TENM3: variants seen among roughly 807,000 people sequenced by gnomAD.
TENM3 encodes the protein teneurin transmembrane protein 3, also known as teneurin-3.
Under a neutral mutation model 255.1 loss-of-function variants are expected in TENM3, and 63 were observed. The observed-to-expected ratio is 0.25, with a 90% CI of 0.20 to 0.30. The LOEUF (loss-of-function observed/expected upper bound fraction) is 0.30. Ranked by LOEUF, TENM3 falls within the 10% of genes least tolerant of loss-of-function variation. The pLI is 1.00. For synonymous variants in TENM3, 1,306 were observed against 1,322.3 expected (o/e 0.99, Z 0.27); for missense variants, 2,929 against 3,461.1 (o/e 0.85, Z 3.86).
the TENM3 span, among the ~76,000 whole-genome samples, chr4:181,789,850 T>C: frequency 6.6e-6 from 1 of 152,010 alleles, no homozygotes; most frequent in Admixed American, 6.6e-5. Flanking sequence ...TGCCACCCCC[T>C]CCCCGGTACC....
intron 1 of TENM3, among the ~76,000 whole-genome samples, chr4:182,289,570 A>C (rs1304721180): frequency 6.6e-6 from 1 of 152,184 alleles, no homozygotes; most frequent in Non-Finnish European, 1.5e-5. Context: ...TGAGGGAAAC[A>C]TTTACTGAAA....
At chr4:182,616,551 C>A (rs1581111922) in intron 4 of TENM3, among the ~76,000 whole-genome samples, 6 of 117,210 alleles carry the variant, frequency 5.1e-5, no homozygotes, top group African/African-American at 1.3e-4. Flanking sequence ...GTCAGGAGAT[C>A]AAGACCATCC....
chr4:181,923,510 T>C, the TENM3 span, among the ~76,000 whole-genome samples: 1 of 152,214 alleles, frequency 6.6e-6, no homozygotes, highest in African/African-American at 2.4e-5. Flanking sequence ...AAATACACTA[T>C]GGCTTCAAAT....
At chr4:181,892,916 C>T in the TENM3 span, among the ~76,000 whole-genome samples, 1 of 152,152 alleles carries the variant, frequency 6.6e-6, no homozygotes, top group African/African-American at 2.4e-5. Flanking sequence ...AGAGGAAGAA[C>T]TGTGAATTGT....
the TENM3 span, among the ~76,000 whole-genome samples, chr4:181,767,150 G>A: frequency 1.3e-5 from 2 of 148,588 alleles, no homozygotes; most frequent in Non-Finnish European, 3.0e-5. Context: ...TACTCGGGAG[G>A]CTGAGGCAGG....
the TENM3 span, among the ~76,000 whole-genome samples, chr4:181,856,713 G>A: frequency 3.0e-4 from 45 of 152,112 alleles, no homozygotes; most frequent in Non-Finnish European, 5.6e-4. Context: ...CCCTGGGCAG[G>A]CTGCTCCTCC....
At chr4:182,078,037 G>T in the TENM3 span, among the ~76,000 whole-genome samples, 2 of 152,224 alleles carry the variant, frequency 1.3e-5, no homozygotes, top group East Asian at 3.9e-4. Context: ...CCTGGGCAAG[G>T]TAGCAAGACC....
At chr4:181,530,800 T>C in the TENM3 span, among the ~76,000 whole-genome samples, 2 of 152,202 alleles carry the variant, frequency 1.3e-5, no homozygotes, top group African/African-American at 4.8e-5. Flanking sequence ...GTGTTGTATG[T>C]GTGTGCGTGC....
chr4:181,510,251 A>G, the TENM3 span, among the ~76,000 whole-genome samples: 1 of 152,232 alleles, frequency 6.6e-6, no homozygotes, highest in African/African-American at 2.4e-5. Flanking sequence ...CCCTTTGAAC[A>G]TTGATATGGT....
At chr4:182,586,136 A>G (rs1048771819) in intron 3 of TENM3, among the ~76,000 whole-genome samples, 3 of 152,158 alleles carry the variant, frequency 2.0e-5, no homozygotes, top group African/African-American at 7.2e-5. Context: ...GCATGCCTGT[A>G]GTACCCGCTA....
the TENM3 span, among the ~76,000 whole-genome samples, chr4:181,655,923 T>A: frequency 6.6e-6 from 1 of 151,880 alleles, no homozygotes; most frequent in Admixed American, 6.6e-5. Flanking sequence ...AAACAAAGGG[T>A]TTAAATATGC....
chr4:182,510,159 C>T (rs1455491434), intron 3 of TENM3, among the ~76,000 whole-genome samples: 8 of 152,110 alleles, frequency 5.3e-5, no homozygotes, highest in Admixed American at 4.6e-4. Flanking sequence ...AGTTCAGTCC[C>T]TTCAGTTGGA....
At chr4:181,790,717 C>T in the TENM3 span, among the ~76,000 whole-genome samples, 1 of 152,170 alleles carries the variant, frequency 6.6e-6, no homozygotes, top group Non-Finnish European at 1.5e-5. Flanking sequence ...GACAAGTAAA[C>T]ATTCAGAGGC....
chr4:181,825,999 C>T, the TENM3 span, among the ~76,000 whole-genome samples: 2 of 152,152 alleles, frequency 1.3e-5, no homozygotes, highest in African/African-American at 2.4e-5. Flanking sequence ...CTTGCCAACT[C>T]GTGCATGTTT....
chr4:182,704,997 A>C (rs2152651632), intron 12 of TENM3, among the ~76,000 whole-genome samples: 1 of 152,300 alleles, frequency 6.6e-6, no homozygotes, highest in Non-Finnish European at 1.5e-5. Context: ...AAGAATATGT[A>C]ATTGTTTTAT....
the TENM3 span, among the ~76,000 whole-genome samples, chr4:181,905,305 A>T: frequency 6.6e-6 from 1 of 152,206 alleles, no homozygotes; most frequent in East Asian, 1.9e-4. Flanking sequence ...TGTTTACAAC[A>T]TAGATACCAA....
chr4:181,849,930 TTCTCTC>T, the TENM3 span, among the ~76,000 whole-genome samples: 59 of 84,102 alleles, frequency 7.0e-4, no homozygotes, highest in African/African-American at 2.1e-3. Flanking sequence ...CTCTCTCTCT[TTCTCTC>T]TCTCTCTCTC....
At chr4:182,295,693 G>C (rs561909238) in intron 1 of TENM3, among the ~76,000 whole-genome samples, 1 of 152,132 alleles carries the variant, frequency 6.6e-6, no homozygotes, top group Admixed American at 6.5e-5. Context: ...AATATAAGGG[G>C]AAGCAGTAAA....
intron 3 of TENM3, among the ~76,000 whole-genome samples, chr4:182,401,607 GT>G (rs1262672161): frequency 2.0e-5 from 3 of 151,710 alleles, no homozygotes; most frequent in African/African-American, 7.3e-5. Context: ...ATGGCTTTCA[GT>G]TTTTTTTCAG....
Sources: allele counts gnomAD v4.1 joint callset (sites outside exome capture counted in the v4.1 genomes callset), GRCh38; gene constraint gnomAD v4.1.1; transcripts MANE v1.5; gene names NCBI Gene and HGNC (gene_info 2026-07-23, HGNC 2026-07-21).